Variants in NEGR1 observed in about 807,000 individuals in gnomAD.
The protein encoded by NEGR1 is IgLON family member 4.
In NEGR1, 10 loss-of-function variants were observed where a neutral mutation model predicts 40.9. The ratio of observed to expected loss-of-function variants is 0.24; its 90% CI spans 0.15 to 0.42. The LOEUF is 0.42. NEGR1 is among the 10% of genes least tolerant of loss of function. The probability of loss-of-function intolerance (pLI) is 1.00; values close to 1 mark genes in which losing one functional copy is unlikely to be tolerated. For synonymous variants in NEGR1, 185 were observed against 166.8 expected (o/e 1.11, Z -0.84); for missense variants, 352 against 438.9 (o/e 0.80, Z 1.77).
chr1:71,699,491 C>T (rs1183335823), intron 3 of NEGR1, among the ~76,000 whole-genome samples: 1 of 151,592 alleles, frequency 6.6e-6, no homozygotes, highest in Non-Finnish European at 1.5e-5. Flanking sequence ...GTCTTATTTT[C>T]ACTATTATAA....
At chr1:72,181,938 A>G (rs1172691778) in intron 1 of NEGR1, among the ~76,000 whole-genome samples, 1 of 152,172 alleles carries the variant, frequency 6.6e-6, no homozygotes, top group East Asian at 1.9e-4. Flanking sequence ...GATACAAAGT[A>G]GCAGATGTGT....
chr1:71,895,308 C>G (rs186720009), intron 2 of NEGR1, among the ~76,000 whole-genome samples: 6 of 152,210 alleles, frequency 3.9e-5, no homozygotes, highest in Admixed American at 2.6e-4. Context: ...GGTTGTTTTT[C>G]ATTTTTATTG....
intron 1 of NEGR1, among the ~76,000 whole-genome samples, chr1:71,999,581 C>A (rs1398274771): frequency 7.1e-6 from 1 of 140,014 alleles, no homozygotes; most frequent in Non-Finnish European, 1.6e-5. Flanking sequence ...AGATACTGTA[C>A]ATTCCTTCTC....
intron 4 of NEGR1, among the ~76,000 whole-genome samples, chr1:71,657,873 T>G (rs1651927876): frequency 6.6e-6 from 1 of 152,216 alleles, no homozygotes; most frequent in African/African-American, 2.4e-5. Context: ...GGAAGTAAAT[T>G]AATAACTATA....
intron 1 of NEGR1, among the ~76,000 whole-genome samples, chr1:72,015,222 C>G (rs1646698468): frequency 6.6e-6 from 1 of 151,998 alleles, no homozygotes; most frequent in African/African-American, 2.4e-5. Context: ...AAGAAACATA[C>G]TGAATGAAAG....
chr1:72,168,606 C>G (rs1398733161), intron 1 of NEGR1, among the ~76,000 whole-genome samples: 1 of 152,146 alleles, frequency 6.6e-6, no homozygotes, highest in Non-Finnish European at 1.5e-5. Context: ...AGAGCACTGA[C>G]AGGCTGGGAG....
chr1:71,813,841 A>C (rs1215128888), intron 2 of NEGR1, among the ~76,000 whole-genome samples: 1 of 152,108 alleles, frequency 6.6e-6, no homozygotes, highest in Admixed American at 6.5e-5. Flanking sequence ...GGCTGAGATT[A>C]TGGGGTTTTT....
intron 1 of NEGR1, among the ~76,000 whole-genome samples, chr1:72,269,594 T>G (rs972054911): frequency 6.6e-6 from 1 of 151,704 alleles, no homozygotes; most frequent in African/African-American, 2.4e-5. Flanking sequence ...TGAGGTTGTT[T>G]CCCCATTTGT....
intron 1 of NEGR1, among the ~76,000 whole-genome samples, chr1:71,985,153 C>T (rs966775587): frequency 1.3e-5 from 2 of 152,062 alleles, no homozygotes; most frequent in Non-Finnish European, 2.9e-5. Context: ...GCTTTGAATT[C>T]CCATTCTATA....
chr1:71,963,101 AAAAGT>A lies in NEGR1; in HGVS notation c.177-27795_177-27791del, dbSNP rs1646180185. Reference sequence around the variant, plus strand: ...TCTGTATCGATATCTATTTTTTTTTAAAAGTTGTTAACAGAAATAGGGTAATCCTA... The same window carrying A: ...TCTGTATCGATATCTATTTTTTTTTATGTTAACAGAAATAGGGTAATCCTA... On this transcript the variant is annotated intron_variant, in intron 1 of 6. Transcript: ENST00000357731. Among the ~76,000 whole-genome samples, 7 of 150,020 alleles carry A rather than the reference AAAAGT, an allele frequency of 4.7e-5. No individual in the cohort carries two copies. In the Middle Eastern group the frequency reaches 0.01, roughly 220 times the overall value.
At chr1:71,593,373 G>A (rs1406022839) in intron 5 of NEGR1, among the ~76,000 whole-genome samples, 4 of 152,184 alleles carry the variant, frequency 2.6e-5, no homozygotes, top group Non-Finnish European at 2.9e-5. Context: ...GCTGGCGAGA[G>A]TATGTCTGGG....
In NEGR1 at chr1:71,772,075, A is replaced by T. The variant is rs150297046; in HGVS notation, c.535+4097T>A. 7.2e-5 allele frequency among the ~76,000 whole-genome samples: 11 copies of T among 152,326 alleles called. No individual in the cohort carries two copies. In the East Asian group the frequency reaches 2.1e-3, roughly 29 times the overall value. ...TTGAAAATAACATCACAAATGAGGG[A>T]CACATGAATATTATGTGACTCCGGA... is the stretch of plus-strand genomic sequence containing the variant. On this transcript the variant is annotated intron_variant, in intron 3 of 6. Transcript: ENST00000357731.
chr1:71,785,800 A>T (rs1159480658), intron 2 of NEGR1, among the ~76,000 whole-genome samples: 4 of 152,190 alleles, frequency 2.6e-5, no homozygotes, highest in Admixed American at 2.6e-4. Context: ...AACATGAGAG[A>T]ACCCAATGTC....
intron 1 of NEGR1, among the ~76,000 whole-genome samples, chr1:72,039,844 T>G (rs182178839): frequency 8.5e-5 from 13 of 152,090 alleles, no homozygotes; most frequent in Admixed American, 4.6e-4. Flanking sequence ...TTTATTCAGT[T>G]TAACTTACAC....
intron 6 of NEGR1, among the ~76,000 whole-genome samples, chr1:71,570,241 T>C (rs1405591629): frequency 6.6e-6 from 1 of 152,220 alleles, no homozygotes; most frequent in African/African-American, 2.4e-5. Context: ...GGCTTGGATT[T>C]TTTTGTACAT....
intron 4 of NEGR1, among the ~76,000 whole-genome samples, chr1:71,685,552 C>A (rs1653003549): frequency 6.6e-6 from 1 of 152,072 alleles, no homozygotes; most frequent in African/African-American, 2.4e-5. Flanking sequence ...GAACTCCTGA[C>A]TTTGTTCTCT....
intron 4 of NEGR1, among the ~76,000 whole-genome samples, chr1:71,685,839 G>A (rs1404116747): frequency 1.2e-4 from 19 of 152,050 alleles, no homozygotes; most frequent in Admixed American, 6.6e-5. Context: ...TTATATAAAC[G>A]TGAATTAAAT....
intron 1 of NEGR1, among the ~76,000 whole-genome samples, chr1:72,233,477 T>C (rs901819049): frequency 1.2e-4 from 18 of 152,048 alleles, no homozygotes; most frequent in African/African-American, 3.9e-4. Flanking sequence ...CCCCAGTGTC[T>C]ATTGTTCCTG....
chr1:72,108,978 G>C (rs1299428518), intron 1 of NEGR1, among the ~76,000 whole-genome samples: 1 of 151,580 alleles, frequency 6.6e-6, no homozygotes, highest in East Asian at 1.9e-4. Context: ...CCTGGCTGCA[G>C]TGAGTCAATA....
Sources: gnomAD v4.1 joint callset for allele counts (sites outside exome capture counted in the v4.1 genomes callset) on GRCh38, gnomAD v4.1.1 for gene constraint, MANE v1.5 for transcripts, NCBI Gene and HGNC (gene_info 2026-07-23, HGNC 2026-07-21) for gene names.